Variants in SLC12A4 observed in about 807,000 individuals in gnomAD.
The protein encoded by SLC12A4 is electroneutral potassium-chloride cotransporter 1.
Under a neutral mutation model 119.2 loss-of-function variants are expected in SLC12A4, and 84 were observed. That is an observed-to-expected ratio of 0.70 (90% CI 0.59 to 0.85). The LOEUF is 0.85. SLC12A4 is among the 40% of genes least tolerant of loss of function. The pLI is 0.00. For synonymous variants in SLC12A4, 599 were observed against 604.6 expected (o/e 0.99, Z 0.14); for missense variants, 1,298 against 1,476.3 (o/e 0.88, Z 1.98).
intron 3 of SLC12A4, 48 bp downstream of exon 3, chr16:67,961,527 G>A (rs760698671): frequency 9.4e-6 from 15 of 1,600,386 alleles, no homozygotes; most frequent in Non-Finnish European, 1.2e-5. Flanking sequence ...CCATGGTGCT[G>A]TGTCTGTCTT....
chr16:67,960,292 C>T (rs907477935), intron 3 of SLC12A4, among the ~76,000 whole-genome samples: 7 of 152,214 alleles, frequency 4.6e-5, no homozygotes, highest in African/African-American at 1.7e-4. Context: ...GGGCAGAGCA[C>T]TCTCAGAGGT....
intron 16 of SLC12A4, 22 bp downstream of exon 16, chr16:67,947,309 C>T (rs751375254): frequency 1.2e-6 from 2 of 1,606,956 alleles, no homozygotes; most frequent in East Asian, 2.2e-5. Context: ...TGCGCCCTGG[C>T]CAGGGTCTGG....
Position 67,949,481 on chromosome 16 carries a change from C to CT in SLC12A4, c.1748+318dup, listed in dbSNP as rs972940808. ...AAAAAAACAAAAACCAAAAAACAAA[C>CT]TAACAGATGGAAGGGGCAGCAGTGG... On this transcript the variant is annotated intron_variant, in intron 13 of 23. Transcript: ENST00000316341. This position sits in a 1 kb window ranked among gnomAD's most constrained non-coding sequence, Gnocchi z 4.6. 2.4e-5 allele frequency: 5 copies of CT among 210,342 alleles called. No individual in the cohort carries two copies. Among genetic ancestry groups the CT allele is most frequent in the African/African-American group, 1.2e-4 (5 of 42,816 alleles). The allele number at this position is 210,342 out of a possible 1,614,324, so 13.0% of individuals were successfully genotyped here.
intron 14 of SLC12A4, 43 bp from the exon 15 acceptor site, chr16:67,947,831 A>G: frequency 1.3e-6 from 2 of 1,549,574 alleles, no homozygotes; most frequent in Non-Finnish European, 1.7e-6. Flanking sequence ...GACCAGGAGG[A>G]CCCCTGGCCA....
At position 67,948,054 on chromosome 16, in the gene SLC12A4, G is replaced by A. The variant is rs755074955; in HGVS notation, c.1847+7C>T. 4 of 1,612,894 alleles carry A rather than the reference G, an allele frequency of 2.5e-6. No homozygotes were observed. In the East Asian group the frequency reaches 8.9e-5, roughly 36 times the overall value. On this transcript the variant is annotated splice_region_variant and intron_variant, in intron 14 of 23. Coordinates refer to ENST00000316341, the MANE Select transcript of SLC12A4 (RefSeq NM_005072.5). The stretch of plus-strand genomic sequence containing the variant: ...CCAGGGTCTCCCGTGTCAGAGGCAT[G>A]GCTCACCAGTGATAGTACTTGAACC...
At chr16:67,947,625 G>A (rs776094160) in intron 15 of SLC12A4, 44 bp downstream of exon 15, 18 of 1,575,166 alleles carry the variant, frequency 1.1e-5, no homozygotes, top group South Asian at 2.3e-5. Context: ...CTGCTCGGCC[G>A]GGCCCCCTCA....
At chr16:67,962,503 T>C (rs1213110104) in intron 2 of SLC12A4, 2 of 152,222 alleles carry the variant, frequency 1.3e-5, no homozygotes, top group Non-Finnish European at 2.9e-5. Context: ...AGAAGTTGCT[T>C]TGGTGTGAGA....
In SLC12A4 at chr16:67,950,700, C is replaced by T. The variant is rs1222434211; in HGVS notation, c.1408G>A (p.Val470Met). Residue 470 changes from valine to methionine, a missense_variant, in exon 11 of 24, where the codon GTG becomes ATG. Val to Met is a conservative substitution (Grantham distance 21). Transcript: ENST00000316341. This position sits in a 1 kb window ranked among gnomAD's most constrained non-coding sequence, Gnocchi z 4.3. ...ITTSLVYFSS[V>M]VLFGACIEGV... ...TCAATGCAGGCACCAAAGAGAACCA[C>T]ACTGCTGAAGTCTGCGGCGGCGTCA... The T allele has an allele frequency of 3.7e-6, 6 of 1,611,106 alleles. No individual in the cohort carries two copies. Among genetic ancestry groups the T allele is most frequent in the Non-Finnish European group, 5.1e-6 (6 of 1,178,672 alleles).
Position 67,944,946 on chromosome 16 carries a change from G to A in SLC12A4, c.3167-15C>T. The A allele has an allele frequency of 6.2e-7, 1 of 1,613,212 alleles. No individual in the cohort carries two copies. The highest frequency in any genetic ancestry group is 8.5e-7 in the Non-Finnish European group (1 of 1,179,944). ...GAACTCCATGTCTGCAGGGCCTCAA[G>A]TCAAGGAGGCAACAACAGAATCAAC... is the stretch of plus-strand genomic sequence containing the variant. On this transcript the variant is annotated splice_polypyrimidine_tract_variant and intron_variant, in intron 23 of 23. Transcript: ENST00000316341. This position sits in a 1 kb window ranked among gnomAD's most constrained non-coding sequence, Gnocchi z 6.6.
chr16:67,965,280 A>C (rs1377930109), intron 1 of SLC12A4, among the ~76,000 whole-genome samples: 1 of 150,428 alleles, frequency 6.6e-6, no homozygotes, highest in African/African-American at 2.5e-5. Context: ...TTCAGTGAAA[A>C]GCCTTTGAAA....
Position 67,950,264 on chromosome 16 carries a change from AGCCGGGCGAGG to A in SLC12A4, c.1629+44_1629+54del. ...ATCTGTGTTCCCTATCTCTCTCCCC[AGCCGGGCGAGG>A]GCCTGGGAGCAGCCAGGCCATGGGG... is the stretch of plus-strand genomic sequence containing the variant. On this transcript the variant is annotated intron_variant, in intron 12 of 23. Coordinates refer to ENST00000316341, the MANE Select transcript of SLC12A4 (RefSeq NM_005072.5). This position sits in a 1 kb window ranked among gnomAD's most constrained non-coding sequence, Gnocchi z 4.3. The A allele has an allele frequency of 1.9e-6, 3 of 1,580,376 alleles. No homozygotes were observed. The highest frequency in any genetic ancestry group is 2.6e-6 in the Non-Finnish European group (3 of 1,160,220).
At position 67,950,900 on chromosome 16, in the gene SLC12A4, C is replaced by T. The variant is rs944594615; in HGVS notation, c.1396+62G>A. 32 of 1,560,038 alleles carry T rather than the reference C, an allele frequency of 2.1e-5. No homozygotes were observed. The highest frequency in any genetic ancestry group is 5.6e-5 in the South Asian group (5 of 89,034). On this transcript the variant is annotated intron_variant, in intron 10 of 23. Transcript: ENST00000316341. This position sits in a 1 kb window ranked among gnomAD's most constrained non-coding sequence, Gnocchi z 4.3. ...GGTGTCTGTGCATGTGACCTGGCAA[C>T]GTACACAGGCCAAGCGCTTCCCGTC... is the stretch of plus-strand genomic sequence containing the variant.
rs1232567670 is a variant in SLC12A4, at chr16:67,951,401, G to C, written c.1133-97C>G. 1 of 1,387,846 alleles carries C rather than the reference G, an allele frequency of 7.2e-7. No homozygotes were observed. The highest frequency in any genetic ancestry group is 1.4e-5 in the African/African-American group (1 of 69,488). The allele number at this position is 1,387,846 out of a possible 1,614,324, so 86.0% of individuals were successfully genotyped here. A position where few individuals can be genotyped will look rare whatever the true frequency, so the allele number is the denominator to read the frequency against. Reference sequence around the variant, plus strand: ...AGGCGCAGATGCAGGGCAACTTTGGGGACTCAGGGAACAGCTTCAGCCCAA... The same window carrying C: ...AGGCGCAGATGCAGGGCAACTTTGGCGACTCAGGGAACAGCTTCAGCCCAA... On this transcript the variant is annotated intron_variant, in intron 8 of 23. Transcript: ENST00000316341. The surrounding 1 kb of genome is among the most constrained non-coding windows in gnomAD (Gnocchi z 5.2).
Position 67,950,784 on chromosome 16 carries a change from C to A in SLC12A4, c.1397-73G>T, listed in dbSNP as rs2151328544. 2 of 1,547,198 alleles carry A rather than the reference C, an allele frequency of 1.3e-6. No homozygotes were observed. The highest frequency in any genetic ancestry group is 1.8e-6 in the Non-Finnish European group (2 of 1,138,572). ...TGAATAGTACCACGTGCCCCCACCC[C>A]AGCCAGACTACCAGGACACCTACAG... On this transcript the variant is annotated intron_variant, in intron 10 of 23. Transcript: ENST00000316341. The surrounding 1 kb of genome is among the most constrained non-coding windows in gnomAD (Gnocchi z 4.3).
At chr16:67,968,642 C>A (rs975644214), upstream of SLC12A4, 11 of 1,283,078 alleles carry the variant, frequency 8.6e-6, no homozygotes, top group Non-Finnish European at 6.8e-6. Context: ...CGACACGCCC[C>A]GCCCGCTCGC....
chr16:67,954,913 C>A, intron 5 of SLC12A4, 140 bp from the exon 6 acceptor site: 2 of 935,434 alleles, frequency 2.1e-6, no homozygotes, highest in Non-Finnish European at 3.2e-6. Flanking sequence ...GCTGGGAGAC[C>A]TACCCAGGGC....
chr16:67,946,051 G>C lies in SLC12A4; in HGVS notation c.2639C>G (p.Thr880Arg). The stretch of plus-strand genomic sequence containing the variant: ...GCTGTTGTCATCCATCTGGGCCACT[G>C]TGAAGATGCGCATCCGGCACTTCCT... Reference protein sequence around the residue: ...VWRKCRMRIFTVAQMDDNSIQ... With the variant: ...VWRKCRMRIFRVAQMDDNSIQ... The change falls in exon 20 of 24, where the codon ACA becomes AGA. Residue 880 changes from threonine (T) to arginine (R), a missense_variant. Coordinates refer to ENST00000316341, the MANE Select transcript of SLC12A4 (RefSeq NM_005072.5). 6.2e-7 allele frequency: 1 copy of C among 1,614,024 alleles called. No homozygotes were observed. The highest frequency in any genetic ancestry group is 8.5e-7 in the Non-Finnish European group (1 of 1,180,012).
In SLC12A4 at chr16:67,947,748, T is replaced by C. The variant is rs781388001; in HGVS notation, c.1888A>G (p.Met630Val). ...GCATAGTACCAGGAGGAGACAAACA[T>C]AAGGGCCAGGCAGAGACTCATGCCC... ...FLGMSLCLAL[M>V]FVSSWYYALV... Residue 630 changes from methionine to valine, a missense_variant, in exon 15 of 24, where the codon ATG becomes GTG. Transcript: ENST00000316341. 1.1e-5 allele frequency: 17 copies of C among 1,600,410 alleles called. No homozygotes were observed. Among genetic ancestry groups the C allele is most frequent in the Non-Finnish European group, 1.4e-5 (16 of 1,173,896 alleles).
intron 5 of SLC12A4, chr16:67,957,471 T>A (rs531929053): frequency 2.3e-6 from 1 of 434,068 alleles, no homozygotes; most frequent in Non-Finnish European, 4.2e-6. Context: ...GCCTGGCCTT[T>A]TTTTGCACTT....
Sources: allele counts gnomAD v4.1 joint callset (sites outside exome capture counted in the v4.1 genomes callset), GRCh38; gene constraint gnomAD v4.1.1; non-coding constraint Gnocchi (gnomAD v3.1); transcripts MANE v1.5; gene names NCBI Gene and HGNC (gene_info 2026-07-23, HGNC 2026-07-21).